The following MGAM variants were observed in gnomAD, a reference collection of about 807,000 sequenced individuals.
MGAM encodes alpha-1,4-glucosidase.
A neutral mutation model predicts 358.8 loss-of-function variants in MGAM; 253 were observed. The ratio of observed to expected loss-of-function variants is 0.71; its 90% CI spans 0.64 to 0.78. The LOEUF (loss-of-function observed/expected upper bound fraction) is 0.78, where lower values mean the gene tolerates loss of function less well. MGAM is among the 30% of genes least tolerant of loss of function. MGAM has a pLI of 0.00. For missense variants in MGAM, 3,080 were observed against 3,432.6 expected (o/e 0.90, Z 2.57); for synonymous variants, 1,105 against 1,227.1 (o/e 0.90, Z 2.08).
chr7:142,042,910 TTA>T (rs1159637390), intron 21 of MGAM, among the ~76,000 whole-genome samples: 1 of 47,012 alleles, frequency 2.1e-5, no homozygotes, highest in Non-Finnish European at 3.9e-5. Flanking sequence ...AATATCTATA[TTA>T]TATATACATA....
intron 22 of MGAM, among the ~76,000 whole-genome samples, chr7:142,049,751 A>G (rs1300836606): frequency 2.0e-5 from 3 of 152,202 alleles, no homozygotes; most frequent in Non-Finnish European, 4.4e-5. Context: ...ACAGTGAGCT[A>G]CCACCTCACA....
chr7:142,034,364 C>G lies in MGAM; in HGVS notation c.1772C>G (p.Ala591Gly). ...DIHNLYGYSM[A>G]VATAEAAKTV... ...CACAATCTGTATGGCTACTCCATGG[C>G]GGTCGCCACAGCAGAGTAAGGCCAC... Residue 591 changes from alanine (A) to glycine (G), a missense_variant, in exon 15 of 71, where the codon GCG (alanine) becomes GGG (glycine). Around this residue, in one of 5 missense-constraint regions of MGAM, gnomAD observed 1,816 missense variants for 1,840.5 expected, o/e 0.99. Transcript: ENST00000475668. The G allele has an allele frequency of 6.3e-7, 1 of 1,577,972 alleles. No homozygotes were observed. The highest frequency in any genetic ancestry group is 8.6e-7 in the Non-Finnish European group (1 of 1,160,244).
chr7:141,988,645 G>A (rs567973276), intron 2 of MGAM, among the ~76,000 whole-genome samples: 3 of 152,302 alleles, frequency 2.0e-5, no homozygotes, highest in South Asian at 4.1e-4. Flanking sequence ...GATTACAGGC[G>A]TGAGCCACCA....
chr7:141,989,053 ATAGG>A (rs1763349628), intron 2 of MGAM, among the ~76,000 whole-genome samples: 1 of 151,626 alleles, frequency 6.6e-6, no homozygotes, highest in African/African-American at 2.4e-5. Flanking sequence ...AATCATTTTG[ATAGG>A]TGGGGGTGTA....
At position 142,098,117 on chromosome 7, in the gene MGAM, C is replaced by G. The variant is rs372622603; in HGVS notation, c.7749+468C>G. On this transcript the variant is annotated intron_variant, in intron 66 of 70. Coordinates refer to ENST00000475668, the MANE Select transcript of MGAM (RefSeq NM_001365693.1). ...AAAGAAGGGCACTGCACATAATTAC[C>G]TAAGGTAAGCAAGTGATTAGGCAAT... is the stretch of plus-strand genomic sequence containing the variant. Among the ~76,000 whole-genome samples the G allele has an allele frequency of 3.4e-4, 51 of 152,168 alleles. No individual in the cohort carries two copies. The East Asian group carries it at 9.3e-3, about 28-fold the overall frequency.
chr7:142,022,586 C>T (rs1188360812), intron 7 of MGAM, 147 bp downstream of exon 7: 16 of 850,582 alleles, frequency 1.9e-5, no homozygotes, highest in South Asian at 4.3e-5. Context: ...TCACCAGTTA[C>T]GTGGTTCTGG....
intron 66 of MGAM, among the ~76,000 whole-genome samples, chr7:142,098,484 G>A (rs1157360212): frequency 6.6e-6 from 1 of 152,134 alleles, no homozygotes; most frequent in African/African-American, 2.4e-5. Context: ...AGCAGAGCAT[G>A]TGCTGGCCCC....
intron 33 of MGAM, among the ~76,000 whole-genome samples, 159 bp from the exon 34 acceptor site, chr7:142,060,142 TTAAGGTAATG>T (rs1481532015): frequency 3.3e-5 from 5 of 152,264 alleles, no homozygotes; most frequent in African/African-American, 1.2e-4. Flanking sequence ...TTAACGACTT[TTAAGGTAATG>T]TAACGTGTTA....
chr7:142,079,936 T>C (rs546730624), intron 49 of MGAM, among the ~76,000 whole-genome samples: 38 of 146,692 alleles, frequency 2.6e-4, no homozygotes, highest in African/African-American at 9.0e-4. Flanking sequence ...ATGAACTTCC[T>C]TGGAGTTCTA....
intron 54 of MGAM, 36 bp from the exon 55 acceptor site, chr7:142,085,797 A>T (rs1474162937): frequency 1.3e-6 from 2 of 1,556,102 alleles, no homozygotes; most frequent in South Asian, 2.3e-5. Context: ...GGGCGTGTAC[A>T]GCAGCAGCCT....
intron 21 of MGAM, among the ~76,000 whole-genome samples, chr7:142,042,038 CAT>C (rs1315299816): frequency 1.2e-3 from 41 of 34,642 alleles, no homozygotes; most frequent in Non-Finnish European, 1.5e-3. Context: ...ATATTATATA[CAT>C]ATAATATATA....
chr7:142,043,104 TATA>T (rs1293358295), intron 21 of MGAM, among the ~76,000 whole-genome samples: 1,677 of 43,626 alleles, frequency 0.038, 54 homozygotes, highest in Middle Eastern at 0.1. Context: ...TATATATACA[TATA>T]ATATCTAAAT....
intron 34 of MGAM, among the ~76,000 whole-genome samples, chr7:142,061,528 T>C (rs1812199775): frequency 6.6e-6 from 1 of 152,174 alleles, no homozygotes; most frequent in Non-Finnish European, 1.5e-5. Context: ...TGTTCCCTTT[T>C]CTGCCCTTTT....
chr7:142,036,899 C>T lies in MGAM; in HGVS notation c.2153C>T (p.Thr718Ile), dbSNP rs1323927247. The T allele has an allele frequency of 2.5e-6, 4 of 1,613,722 alleles. No homozygotes were observed. The Admixed American group carries it at 5.0e-5, about 20-fold the overall frequency. The change falls in exon 18 of 71, where the codon ACT (threonine) becomes ATT (isoleucine). Residue 718 changes from threonine to isoleucine, a missense_variant. Around this residue, in one of 5 missense-constraint regions of MGAM, gnomAD observed 1,816 missense variants for 1,840.5 expected, o/e 0.99. Transcript: ENST00000475668. ...SSRHYLNIRY[T>I]LLPYLYTLFF... is the part of the protein sequence containing the mutation. ...AGGCACTACCTTAACATCCGCTATA[C>T]TCTATTGCCCTACCTATACACCCTC...
In MGAM at chr7:142,059,479, A is replaced by G. The variant is rs770457039; in HGVS notation, c.3827A>G (p.Gln1276Arg). 2.1e-5 allele frequency: 33 copies of G among 1,609,464 alleles called. No homozygotes were observed. The highest frequency in any genetic ancestry group is 2.6e-5 in the Non-Finnish European group (31 of 1,176,926). Residue 1276 changes from glutamine to arginine, a missense_variant, in exon 32 of 71, where the codon CAG becomes CGG. Transcript: ENST00000475668. ...MVAAQIPYDV[Q>R]YSDIDYMERQ... Reference sequence around the variant, plus strand: ...CCCCATGTCCTCCCGCAGGATGTGCAGTACTCAGACATCGACTACATGGAG... The same window carrying G: ...CCCCATGTCCTCCCGCAGGATGTGCGGTACTCAGACATCGACTACATGGAG...
chr7:142,033,355 G>A (rs1473544023), intron 14 of MGAM, among the ~76,000 whole-genome samples: 1 of 152,164 alleles, frequency 6.6e-6, no homozygotes, highest in Admixed American at 6.5e-5. Flanking sequence ...TGACCTGGGA[G>A]GTCAAAGTCA....
intron 22 of MGAM, 126 bp downstream of exon 22, chr7:142,047,999 T>C (rs1468356228): frequency 1.8e-5 from 14 of 762,636 alleles, no homozygotes; most frequent in Non-Finnish European, 3.0e-5. Context: ...GTCACTTAAG[T>C]ATTTTGTTTC....
chr7:142,046,140 TTA>T (rs1036182269), intron 21 of MGAM, among the ~76,000 whole-genome samples: 149 of 145,410 alleles, frequency 1.0e-3, no homozygotes, highest in African/African-American at 3.1e-3. Context: ...TATTTATATA[TTA>T]TATATATATT....
At chr7:142,059,682 T>G in intron 32 of MGAM, 82 bp downstream of exon 32, 1 of 1,589,210 alleles carries the variant, frequency 6.3e-7, no homozygotes, top group Non-Finnish European at 8.6e-7. Context: ...TTTATTTCCA[T>G]GTTGCAAGTA....
Sources: gnomAD v4.1 joint callset for allele counts (sites outside exome capture counted in the v4.1 genomes callset) on GRCh38, gnomAD v4.1.1 for gene constraint, gnomAD v4.1.1 regional missense constraint, MANE v1.5 for transcripts, NCBI Gene and HGNC (gene_info 2026-07-23, HGNC 2026-07-21) for gene names.